The following CTNNA3 variants were observed in gnomAD, a reference collection of about 807,000 sequenced individuals.
The protein encoded by CTNNA3 is catenin alpha-3.
CTNNA3 carries 76 observed loss-of-function variants against 95.7 expected under a neutral mutation model. The observed-to-expected ratio is 0.79, with a 90% CI of 0.66 to 0.96. CTNNA3 has a LOEUF of 0.96. CTNNA3 is among the 40% of genes least tolerant of loss of function. The pLI is 0.00. For missense variants in CTNNA3, 1,191 were observed against 1,089.8 expected (o/e 1.09, Z -1.31); for synonymous variants, 431 against 374.4 (o/e 1.15, Z -1.74).
intron 9 of CTNNA3, among the ~76,000 whole-genome samples, chr10:66,746,043 C>T (rs930501479): frequency 6.6e-6 from 1 of 152,182 alleles, no homozygotes; most frequent in Non-Finnish European, 1.5e-5. Context: ...CTTCCACCAA[C>T]TAACTATATG....
At position 67,385,362 on chromosome 10, in the gene CTNNA3, G is replaced by A. The variant is rs568801635; in HGVS notation, c.579+136480C>T. ...TTTTTAATTTTTTCAAACCTCAGAAGTTTTCTTTCAGAAACTAGAAAAAGC... is the reference window on the plus strand; with the variant it reads ...TTTTTAATTTTTTCAAACCTCAGAAATTTTCTTTCAGAAACTAGAAAAAGC... On this transcript the variant is annotated intron_variant, in intron 5 of 17. Transcript: ENST00000433211. Among the ~76,000 whole-genome samples the A allele has an allele frequency of 5.3e-5, 8 of 152,234 alleles. No individual in the cohort carries two copies. In the East Asian group the frequency reaches 1.4e-3, roughly 26 times the overall value.
chr10:66,327,172 C>G (rs2092264255), intron 12 of CTNNA3, among the ~76,000 whole-genome samples: 1 of 151,918 alleles, frequency 6.6e-6, no homozygotes, highest in Non-Finnish European at 1.5e-5. Context: ...TATTTCAAAG[C>G]GACAACACTA....
chr10:66,995,248 G>A (rs1851265255), intron 7 of CTNNA3, among the ~76,000 whole-genome samples: 1 of 152,108 alleles, frequency 6.6e-6, no homozygotes, highest in Non-Finnish European at 1.5e-5. Flanking sequence ...CTCTATGACA[G>A]AACCTTGGGT....
chr10:67,667,065 T>A (rs929230433), intron 1 of CTNNA3, among the ~76,000 whole-genome samples: 2 of 152,130 alleles, frequency 1.3e-5, no homozygotes, highest in Middle Eastern at 3.2e-3. Context: ...CAGGATAAAA[T>A]CTCTCTTCAA....
At chr10:66,273,955 G>A (rs565402917) in intron 13 of CTNNA3, among the ~76,000 whole-genome samples, 6 of 152,022 alleles carry the variant, frequency 3.9e-5, no homozygotes, top group East Asian at 1.9e-4. Flanking sequence ...CAGGAACCTC[G>A]AAGAAAAGAC....
intron 7 of CTNNA3, among the ~76,000 whole-genome samples, chr10:67,179,769 A>C (rs1022567192): frequency 6.6e-6 from 1 of 152,038 alleles, no homozygotes; most frequent in African/African-American, 2.4e-5. Context: ...CGAGGCTGCC[A>C]TTAGCTGTGA....
At chr10:66,731,306 T>C (rs924361075) in intron 9 of CTNNA3, among the ~76,000 whole-genome samples, 1 of 152,216 alleles carries the variant, frequency 6.6e-6, no homozygotes, top group Admixed American at 6.5e-5. Flanking sequence ...ACAATATTGC[T>C]AATGAATTGG....
intron 12 of CTNNA3, among the ~76,000 whole-genome samples, chr10:66,331,501 GCA>G (rs1217783657): frequency 6.6e-6 from 1 of 150,790 alleles, no homozygotes; most frequent in South Asian, 2.1e-4. Flanking sequence ...CTACAGGCGC[GCA>G]CCACCATGCC....
chr10:67,608,302 T>C (rs2133382113), intron 2 of CTNNA3, among the ~76,000 whole-genome samples: 1 of 152,364 alleles, frequency 6.6e-6, no homozygotes, highest in Middle Eastern at 3.4e-3. Context: ...GACTTAATTA[T>C]AATTATTTTT....
intron 5 of CTNNA3, among the ~76,000 whole-genome samples, chr10:67,234,902 T>C (rs1173546636): frequency 4.1e-5 from 6 of 146,488 alleles, no homozygotes; most frequent in Non-Finnish European, 8.9e-5. Context: ...ATGAGTGAAC[T>C]CCCATTCACA....
At chr10:66,360,929 GTCTC>G (rs35335262) in intron 12 of CTNNA3, among the ~76,000 whole-genome samples, 1 of 118,880 alleles carries the variant, frequency 8.4e-6, no homozygotes, top group Non-Finnish European at 1.7e-5. Context: ...CTTCCTTTCT[GTCTC>G]TCTCTCTCTC....
intron 13 of CTNNA3, among the ~76,000 whole-genome samples, chr10:66,205,125 C>T (rs755202648): frequency 6.6e-6 from 1 of 151,946 alleles, no homozygotes; most frequent in Middle Eastern, 3.2e-3. Flanking sequence ...ACTAATTAAG[C>T]TTGATTTTTT....
intron 11 of CTNNA3, among the ~76,000 whole-genome samples, chr10:66,437,919 T>C (rs2093349605): frequency 6.6e-6 from 1 of 152,194 alleles, no homozygotes. Context: ...ATGCTATTGC[T>C]TTCTGTTTGT....
In CTNNA3 at chr10:66,288,574, T is replaced by C. The variant is rs555252085; in HGVS notation, c.1733-7953A>G. ...TATTTAACCTTATATTAAAATACTA[T>C]AAATGAATACAATTAAACATTTATT... On this transcript the variant is annotated intron_variant, in intron 12 of 17. Transcript: ENST00000433211. Among the ~76,000 whole-genome samples, 10 of 152,248 alleles carry C rather than the reference T, an allele frequency of 6.6e-5. No individual in the cohort carries two copies. In the East Asian group the frequency reaches 7.7e-4, roughly 12 times the overall value.
intron 10 of CTNNA3, among the ~76,000 whole-genome samples, chr10:66,572,978 C>G (rs1180307954): frequency 6.6e-6 from 1 of 152,082 alleles, no homozygotes; most frequent in Non-Finnish European, 1.5e-5. Context: ...CTTGTGTTTC[C>G]CCTAATGAAA....
At chr10:66,064,995 T>G (rs1450973711) in intron 15 of CTNNA3, among the ~76,000 whole-genome samples, 2 of 152,156 alleles carry the variant, frequency 1.3e-5, no homozygotes, top group Non-Finnish European at 2.9e-5. Context: ...TTCATACAAC[T>G]TATACTCTGT....
chr10:67,440,268 G>C (rs370042138), intron 5 of CTNNA3, among the ~76,000 whole-genome samples: 4 of 152,220 alleles, frequency 2.6e-5, no homozygotes, highest in African/African-American at 9.6e-5. Context: ...GGAAAGTGGA[G>C]GGAAGAGTGG....
At chr10:66,663,089 A>G (rs558698356) in intron 9 of CTNNA3, among the ~76,000 whole-genome samples, 2 of 152,200 alleles carry the variant, frequency 1.3e-5, no homozygotes, top group South Asian at 4.1e-4. Context: ...TAATTGCTGT[A>G]TGAGTTTCCT....
At chr10:66,842,237 C>T (rs941853445) in intron 7 of CTNNA3, among the ~76,000 whole-genome samples, 17 of 151,438 alleles carry the variant, frequency 1.1e-4, no homozygotes, top group African/African-American at 4.1e-4. Context: ...GACATCATGC[C>T]CAGCTGCTAC....
Sources: gnomAD v4.1 joint callset for allele counts (sites outside exome capture counted in the v4.1 genomes callset) on GRCh38, gnomAD v4.1.1 for gene constraint, MANE v1.5 for transcripts, NCBI Gene and HGNC (gene_info 2026-07-23, HGNC 2026-07-21) for gene names.